Variants in ADAMTS3 observed in about 807,000 individuals in gnomAD.
ADAMTS3 encodes A disintegrin and metalloproteinase with thrombospondin motifs 3.
In ADAMTS3, 73 loss-of-function variants were observed where a neutral mutation model predicts 129.0. The ratio of observed to expected loss-of-function variants is 0.57; its 90% CI spans 0.47 to 0.69. ADAMTS3 has a LOEUF of 0.69. Among genes scored for constraint, ADAMTS3 ranks in the 30% least tolerant of loss-of-function variants. The pLI is 0.00. For synonymous variants in ADAMTS3, 477 were observed against 510.8 expected, an observed-to-expected ratio of 0.93 and a Z score of 0.89; for missense variants, 1,457 against 1,514.5, an observed-to-expected ratio of 0.96 and a Z score of 0.63.
chr4:72,529,914 A>G (rs1244982600), intron 3 of ADAMTS3, among the ~76,000 whole-genome samples: 3 of 42,962 alleles, frequency 7.0e-5, no homozygotes, highest in South Asian at 1.3e-3. Context: ...AATAATATAT[A>G]TTATAAATAT....
At chr4:72,527,981 T>C (rs575573538) in intron 3 of ADAMTS3, among the ~76,000 whole-genome samples, 1 of 152,254 alleles carries the variant, frequency 6.6e-6, no homozygotes, top group African/African-American at 2.4e-5. Flanking sequence ...GACTTGTGGA[T>C]ACAGAAGTAA....
In ADAMTS3 at chr4:72,390,978, T is replaced by C. The variant is rs563674560; in HGVS notation, c.661+23837A>G. Among the ~76,000 whole-genome samples, 13 of 152,050 alleles carry C rather than the reference T, an allele frequency of 8.5e-5. No individual in the cohort carries two copies. In the East Asian group the frequency reaches 2.1e-3, roughly 25 times the overall value. On this transcript the variant is annotated intron_variant, in intron 4 of 21. Coordinates refer to ENST00000286657, the MANE Select transcript of ADAMTS3 (RefSeq NM_014243.3). ...ATGAAAAATGATTATGAGCTTACTA[T>C]GAGCTAACAACCCTAGATAATTGTA...
chr4:72,281,623 C>T lies in ADAMTS3; in HGVS notation c.*1513G>A, dbSNP rs1414280813. ...GGGAAACAAGTCATCAACTTAATAT[C>T]AACTACTAAAAATGCAAGATGTTTG... On this transcript the variant is annotated 3_prime_UTR_variant, in exon 22 of 22. Coordinates refer to ENST00000286657, the MANE Select transcript of ADAMTS3 (RefSeq NM_014243.3). The T allele has an allele frequency of 1.3e-5, 2 of 152,126 alleles. No homozygotes were observed. Among genetic ancestry groups the T allele is most frequent in the African/African-American group, 4.8e-5 (2 of 41,452 alleles). The allele number at this position is 152,126 out of a possible 1,614,324, so 9.4% of individuals were successfully genotyped here.
chr4:72,483,793 G>A (rs1348786166), intron 3 of ADAMTS3, among the ~76,000 whole-genome samples: 4 of 152,178 alleles, frequency 2.6e-5, no homozygotes, highest in Non-Finnish European at 4.4e-5. Flanking sequence ...GCTGAGGCAG[G>A]CGATCATGAG....
intron 3 of ADAMTS3, among the ~76,000 whole-genome samples, chr4:72,534,234 G>A (rs1028538682): frequency 1.1e-4 from 17 of 152,146 alleles, no homozygotes; most frequent in African/African-American, 4.1e-4. Flanking sequence ...GGCTGAGGCA[G>A]GAGAATGGCG....
At chr4:72,446,575 A>C (rs1718259309) in intron 3 of ADAMTS3, among the ~76,000 whole-genome samples, 1 of 151,642 alleles carries the variant, frequency 6.6e-6, no homozygotes, top group Non-Finnish European at 1.5e-5. Context: ...TAAAAAACGG[A>C]GGATGTTTAA....
chr4:72,392,471 T>C (rs1721621025), intron 4 of ADAMTS3, among the ~76,000 whole-genome samples: 1 of 152,224 alleles, frequency 6.6e-6, no homozygotes, highest in African/African-American at 2.4e-5. Flanking sequence ...TATGCATACA[T>C]CATAGCAGTA....
chr4:72,410,556 T>C (rs910599229), intron 4 of ADAMTS3, among the ~76,000 whole-genome samples: 2 of 152,116 alleles, frequency 1.3e-5, no homozygotes. Flanking sequence ...AAATTAAAAA[T>C]GTAAAATGCT....
intron 18 of ADAMTS3, among the ~76,000 whole-genome samples, chr4:72,296,639 A>G (rs1462890353): frequency 1.3e-5 from 2 of 152,110 alleles, no homozygotes; most frequent in Admixed American, 6.6e-5. Flanking sequence ...AAAGTTGAGG[A>G]CATCCTGATC....
chr4:72,408,359 T>C (rs1300485689), intron 4 of ADAMTS3, among the ~76,000 whole-genome samples: 1 of 151,542 alleles, frequency 6.6e-6, no homozygotes, highest in East Asian at 1.9e-4. Flanking sequence ...CACAGAGACA[T>C]AGGAGGTGCA....
At chr4:72,347,512 C>T (rs1336613370) in intron 4 of ADAMTS3, among the ~76,000 whole-genome samples, 2 of 151,788 alleles carry the variant, frequency 1.3e-5, no homozygotes, top group Non-Finnish European at 1.5e-5. Context: ...TTATTTTATT[C>T]TCTCGGTTCT....
intron 2 of ADAMTS3, among the ~76,000 whole-genome samples, chr4:72,551,991 T>C (rs1244448188): frequency 6.6e-6 from 1 of 152,192 alleles, no homozygotes; most frequent in Non-Finnish European, 1.5e-5. Context: ...GGCTCTTACA[T>C]TCTAGGTTTT....
intron 4 of ADAMTS3, among the ~76,000 whole-genome samples, chr4:72,362,946 A>AT (rs573002926): frequency 1.3e-5 from 2 of 152,060 alleles, no homozygotes; most frequent in Non-Finnish European, 2.9e-5. Context: ...AAACACTTTA[A>AT]TTTTTTTCAA....
chr4:72,510,695 T>G (rs2110033499), intron 3 of ADAMTS3, among the ~76,000 whole-genome samples: 1 of 151,914 alleles, frequency 6.6e-6, no homozygotes, highest in East Asian at 1.9e-4. Flanking sequence ...CCCAAAGCAA[T>G]CTATAGGTTC....
At chr4:72,496,801 C>T (rs958979668) in intron 3 of ADAMTS3, among the ~76,000 whole-genome samples, 4 of 152,028 alleles carry the variant, frequency 2.6e-5, no homozygotes, top group Non-Finnish European at 5.9e-5. Context: ...CACCTGTCTC[C>T]TGTTTGCTTT....
intron 4 of ADAMTS3, 65 bp from the exon 5 acceptor site, chr4:72,339,758 G>A: frequency 2.3e-6 from 3 of 1,316,634 alleles, no homozygotes; most frequent in Admixed American, 1.9e-5. Context: ...TCACTTCTTA[G>A]AAAAAAAGAA....
At chr4:72,321,702 T>C (rs149131801) in intron 6 of ADAMTS3, among the ~76,000 whole-genome samples, 98 of 152,210 alleles carry the variant, frequency 6.4e-4, no homozygotes, top group African/African-American at 2.0e-3. Flanking sequence ...AATTCTTCCA[T>C]GAGTTGACAA....
chr4:72,397,354 C>A (rs767099303), intron 4 of ADAMTS3, among the ~76,000 whole-genome samples: 16 of 152,064 alleles, frequency 1.1e-4, no homozygotes, highest in Middle Eastern at 3.2e-3. Context: ...CATGTAAGGT[C>A]ATGAGTTCGA....
intron 4 of ADAMTS3, among the ~76,000 whole-genome samples, chr4:72,388,306 T>A (rs1308055461): frequency 1.3e-5 from 2 of 152,226 alleles, no homozygotes; most frequent in Non-Finnish European, 2.9e-5. Context: ...TGTTTTGGTC[T>A]ATGATAGGCC....
Sources: allele counts gnomAD v4.1 joint callset (sites outside exome capture counted in the v4.1 genomes callset), GRCh38; gene constraint gnomAD v4.1.1; transcripts MANE v1.5; gene names NCBI Gene and HGNC (gene_info 2026-07-23, HGNC 2026-07-21).